The following RBFOX1 variants were observed in gnomAD, a reference collection of about 807,000 sequenced individuals.
RBFOX1 encodes the protein RNA binding protein fox-1 homolog 1.
Under a neutral mutation model 57.7 loss-of-function variants are expected in RBFOX1, and 8 were observed. The observed-to-expected ratio is 0.14, with a 90% confidence interval of 0.08 to 0.25. RBFOX1 has a LOEUF of 0.25. Among genes scored for constraint, RBFOX1 ranks in the 10% least tolerant of loss-of-function variants. The pLI is 1.00. For missense variants in RBFOX1, 611 were observed against 548.5 expected (o/e 1.11, Z -1.14); for synonymous variants, 326 against 222.4 (o/e 1.47, Z -4.15).
At chr16:6,926,115 G>C (rs988789384) in intron 3 of RBFOX1, among the ~76,000 whole-genome samples, 2 of 151,926 alleles carry the variant, frequency 1.3e-5, no homozygotes, top group African/African-American at 4.8e-5. Flanking sequence ...AGACCAGCCT[G>C]GCCAACATGA....
chr16:5,501,300 A>C (rs1275767855), intron 2 of RBFOX1, among the ~76,000 whole-genome samples: 2 of 145,208 alleles, frequency 1.4e-5, no homozygotes, highest in East Asian at 3.9e-4. Context: ...CCTGGATGAC[A>C]AAACGAGACT....
intron 2 of RBFOX1, among the ~76,000 whole-genome samples, chr16:6,422,473 C>T (rs1455290948): frequency 6.6e-6 from 1 of 151,952 alleles, no homozygotes; most frequent in East Asian, 1.9e-4. Context: ...TTGTATTAGT[C>T]CATTCTCACA....
intron 3 of RBFOX1, among the ~76,000 whole-genome samples, chr16:5,696,733 C>G (rs931166022): frequency 6.6e-6 from 1 of 152,082 alleles, no homozygotes; most frequent in Non-Finnish European, 1.5e-5. Flanking sequence ...TATGATATTG[C>G]CTTCCCATCT....
chr16:6,232,429 C>T (rs924824728), intron 1 of RBFOX1, among the ~76,000 whole-genome samples: 1 of 152,184 alleles, frequency 6.6e-6, no homozygotes, highest in Non-Finnish European at 1.5e-5. Context: ...AATGTTTCAG[C>T]ATTTTTTTCC....
At chr16:6,954,427 T>A (rs2081351224) in intron 3 of RBFOX1, among the ~76,000 whole-genome samples, 1 of 152,138 alleles carries the variant, frequency 6.6e-6, no homozygotes, top group African/African-American at 2.4e-5. Context: ...TTGGCATTTT[T>A]AAAATTACAC....
At chr16:6,667,658 A>T (rs1281772213) in intron 3 of RBFOX1, among the ~76,000 whole-genome samples, 2 of 151,998 alleles carry the variant, frequency 1.3e-5, no homozygotes, top group Non-Finnish European at 2.9e-5. Context: ...AAGTGGGAGG[A>T]TTACTTGAGC....
intron 14 of RBFOX1, among the ~76,000 whole-genome samples, chr16:7,690,441 A>G (rs572059396): frequency 1.3e-5 from 2 of 152,098 alleles, no homozygotes; most frequent in South Asian, 2.1e-4. Context: ...ATTATTTACA[A>G]TGTGCAGCCA....
chr16:5,260,904 T>C (rs990099104), intron 1 of RBFOX1: 1 of 152,244 alleles, frequency 6.6e-6, no homozygotes, highest in African/African-American at 2.4e-5. Flanking sequence ...AGTCCAAATA[T>C]TAATATGAAG....
At chr16:7,091,465 G>T (rs2060841764) in intron 4 of RBFOX1, among the ~76,000 whole-genome samples, 1 of 151,700 alleles carries the variant, frequency 6.6e-6, no homozygotes, top group Non-Finnish European at 1.5e-5. Flanking sequence ...ATGTTGAAAA[G>T]ACGGGGAGAG....
intron 4 of RBFOX1, among the ~76,000 whole-genome samples, chr16:7,490,857 G>C (rs2066745349): frequency 6.6e-6 from 1 of 152,164 alleles, no homozygotes; most frequent in African/African-American, 2.4e-5. Flanking sequence ...GTTACTCTCT[G>C]ATTCTCATTG....
At chr16:7,388,499 A>G (rs2097921840) in intron 4 of RBFOX1, among the ~76,000 whole-genome samples, 1 of 152,092 alleles carries the variant, frequency 6.6e-6, no homozygotes, top group Admixed American at 6.6e-5. Flanking sequence ...TCTGCCCGGG[A>G]TAACTTGTTT....
intron 3 of RBFOX1, among the ~76,000 whole-genome samples, chr16:5,739,641 A>C (rs1301451223): frequency 6.6e-6 from 1 of 152,230 alleles, no homozygotes; most frequent in Non-Finnish European, 1.5e-5. Context: ...ATGTTTAAAA[A>C]AACTTACGCT....
chr16:5,606,191 G>A (rs994316401), intron 3 of RBFOX1, among the ~76,000 whole-genome samples: 1 of 152,040 alleles, frequency 6.6e-6, no homozygotes, highest in Admixed American at 6.5e-5. Context: ...TTCATACTTG[G>A]CATTGGGATA....
chr16:6,399,522 C>T (rs561437517), intron 2 of RBFOX1, among the ~76,000 whole-genome samples: 13 of 152,246 alleles, frequency 8.5e-5, no homozygotes, highest in South Asian at 8.3e-4. Flanking sequence ...CCACCTCAGC[C>T]AGGACTTCAT....
intron 1 of RBFOX1, among the ~76,000 whole-genome samples, chr16:5,379,602 G>A (rs2066079162): frequency 6.6e-6 from 1 of 152,192 alleles, no homozygotes; most frequent in African/African-American, 2.4e-5. Context: ...TAATCTCTGT[G>A]TGGTCTTTGG....
At chr16:5,395,070 C>T (rs1596829780) in intron 1 of RBFOX1, among the ~76,000 whole-genome samples, 1 of 152,202 alleles carries the variant, frequency 6.6e-6, no homozygotes, top group East Asian at 1.9e-4. Context: ...TCCCAACCTG[C>T]CCGTTCAGCC....
chr16:5,260,287 G>A, intron 1 of RBFOX1, among the ~76,000 whole-genome samples: 1 of 152,084 alleles, frequency 6.6e-6, no homozygotes, highest in East Asian at 1.9e-4. Flanking sequence ...AGTACAAAAA[G>A]AGAGAGAAAT....
At chr16:5,288,744 T>C (rs564612721) in intron 1 of RBFOX1, among the ~76,000 whole-genome samples, 35 of 152,126 alleles carry the variant, frequency 2.3e-4, no homozygotes, top group African/African-American at 8.0e-4. Flanking sequence ...TTCTCTTTGA[T>C]AGGGCATGGG....
At chr16:6,873,091 T>C (rs1473515) in intron 3 of RBFOX1, among the ~76,000 whole-genome samples, 5 of 151,350 alleles carry the variant, frequency 3.3e-5, no homozygotes, top group East Asian at 1.9e-4. Context: ...ATATGTACCT[T>C]GTATTTCTTA....
Sources: gnomAD v4.1 joint callset for allele counts (sites outside exome capture counted in the v4.1 genomes callset) on GRCh38, gnomAD v4.1.1 for gene constraint, MANE v1.5 for transcripts, NCBI Gene and HGNC (gene_info 2026-07-23, HGNC 2026-07-21) for gene names.